The following ERICH6B variants were observed in gnomAD, a reference collection of about 807,000 sequenced individuals.
The protein encoded by ERICH6B is glutamate rich 6B, also known as glutamate-rich protein 6B.
In ERICH6B, 69 loss-of-function variants were observed where a neutral mutation model predicts 80.0. That is an observed-to-expected ratio of 0.86 (90% CI 0.71 to 1.05). The LOEUF is 1.05. Among genes scored for constraint, ERICH6B ranks in the 50% least tolerant of loss-of-function variants. ERICH6B has a pLI of 0.00. For synonymous variants in ERICH6B, 283 were observed against 291.9 expected (o/e 0.97, Z 0.31); for missense variants, 754 against 796.1 (o/e 0.95, Z 0.64).
intron 5 of ERICH6B, 32 bp from the exon 6 acceptor site, chr13:45,580,697 T>C (rs764690120): frequency 1.3e-6 from 2 of 1,548,846 alleles, no homozygotes; most frequent in Middle Eastern, 1.7e-4. Flanking sequence ...TGGCTATTAA[T>C]GATTTAAACC....
chr13:45,575,126 G>A (rs1334167256), intron 7 of ERICH6B, among the ~76,000 whole-genome samples, 196 bp from the exon 8 acceptor site: 1 of 152,176 alleles, frequency 6.6e-6, no homozygotes, highest in Non-Finnish European at 1.5e-5. Flanking sequence ...AACAAAATAG[G>A]AATAAGAGGG....
intron 7 of ERICH6B, 60 bp from the exon 8 acceptor site, chr13:45,574,990 A>G: frequency 9.1e-7 from 1 of 1,097,636 alleles, no homozygotes; most frequent in South Asian, 1.4e-5. Context: ...CCAAAAACAT[A>G]AAAAATTTAA....
chr13:45,549,277 C>T (rs188247822), intron 13 of ERICH6B, among the ~76,000 whole-genome samples: 7 of 149,548 alleles, frequency 4.7e-5, no homozygotes, highest in Admixed American at 2.7e-4. Context: ...GAGCAGACTC[C>T]GTCACAAAAA....
chr13:45,587,347 G>T, intron 4 of ERICH6B, 115 bp from the exon 5 acceptor site: 1 of 845,486 alleles, frequency 1.2e-6, no homozygotes, highest in Non-Finnish European at 1.8e-6. Context: ...CCAGATGATG[G>T]ACATCTCAAG....
chr13:45,566,371 A>G (rs1874913387), intron 9 of ERICH6B, among the ~76,000 whole-genome samples: 1 of 152,250 alleles, frequency 6.6e-6, no homozygotes, highest in South Asian at 2.1e-4. Context: ...GACAATGGGG[A>G]GAATGTCTCC....
At chr13:45,571,044 C>T (rs1875143486) in intron 8 of ERICH6B, among the ~76,000 whole-genome samples, 1 of 152,170 alleles carries the variant, frequency 6.6e-6, no homozygotes, top group Non-Finnish European at 1.5e-5. Context: ...CTGCTGCCTA[C>T]CATGTTGCTT....
At chr13:45,594,414 C>T (rs189422278) in intron 3 of ERICH6B, among the ~76,000 whole-genome samples, 112 of 152,284 alleles carry the variant, frequency 7.4e-4, no homozygotes, top group African/African-American at 2.6e-3. Flanking sequence ...AGATCCAGCA[C>T]ATAGAGGGGA....
chr13:45,610,192 C>T (rs1338631113), intron 1 of ERICH6B, among the ~76,000 whole-genome samples: 1 of 152,116 alleles, frequency 6.6e-6, no homozygotes, highest in African/African-American at 2.4e-5. Flanking sequence ...TAAGATTGGC[C>T]TTTTGAGATG....
At chr13:45,573,998 G>A (rs1453362139) in intron 8 of ERICH6B, among the ~76,000 whole-genome samples, 1 of 152,108 alleles carries the variant, frequency 6.6e-6, no homozygotes, top group African/African-American at 2.4e-5. Context: ...GTGCTGTAGA[G>A]AGGCAAGTAT....
At position 45,561,379 on chromosome 13, in the gene ERICH6B, T is replaced by C. The variant is rs2137975667; in HGVS notation, c.1397A>G (p.Lys466Arg). 1.9e-6 allele frequency: 3 copies of C among 1,552,276 alleles called. No homozygotes were observed. In the African/African-American group the frequency reaches 4.1e-5, roughly 21 times the overall value. ...KLERDKEWIQ[K>R]KTVVHQGDGK... is the part of the protein sequence containing the mutation. Reference sequence around the variant, plus strand: ...TACTGTCCCTCTTACCACTGTCTTCTTCTGTATCCATTCCTTATCTCGTTC... The same window carrying C: ...TACTGTCCCTCTTACCACTGTCTTCCTCTGTATCCATTCCTTATCTCGTTC... The change falls in exon 11 of 15, where the codon AAG (lysine) becomes AGG (arginine). Residue 466 changes from lysine to arginine, a missense_variant. Physicochemically the swap from Lys to Arg is conservative, Grantham distance 26. Coordinates refer to ENST00000298738, the MANE Select transcript of ERICH6B (RefSeq NM_182542.3).
chr13:45,605,999 T>C (rs1949857385), intron 2 of ERICH6B, among the ~76,000 whole-genome samples: 1 of 152,244 alleles, frequency 6.6e-6, no homozygotes, highest in African/African-American at 2.4e-5. Flanking sequence ...GTCTGTCTCA[T>C]TCCAAAGTCT....
At chr13:45,588,942 G>C (rs920654399) in intron 4 of ERICH6B, among the ~76,000 whole-genome samples, 1 of 152,138 alleles carries the variant, frequency 6.6e-6, no homozygotes, top group African/African-American at 2.4e-5. Flanking sequence ...TTTAGCGAGG[G>C]GAGGGCCGGG....
chr13:45,587,635 T>C (rs1011758684), intron 4 of ERICH6B, among the ~76,000 whole-genome samples: 3 of 152,158 alleles, frequency 2.0e-5, no homozygotes, highest in African/African-American at 7.2e-5. Context: ...CAGTTTAAAA[T>C]CAAGCAGTGA....
chr13:45,561,018 T>C (rs1315325477), intron 11 of ERICH6B, among the ~76,000 whole-genome samples: 2 of 152,168 alleles, frequency 1.3e-5, no homozygotes, highest in African/African-American at 4.8e-5. Flanking sequence ...CTCGAACTCC[T>C]GGGCTCAAGT....
At chr13:45,606,981 C>T (rs1949870923) in intron 2 of ERICH6B, among the ~76,000 whole-genome samples, 1 of 152,092 alleles carries the variant, frequency 6.6e-6, no homozygotes, top group Non-Finnish European at 1.5e-5. Flanking sequence ...ATCCCTTGTT[C>T]AAAATCCTTG....
At chr13:45,570,601 C>T (rs139110639) in intron 8 of ERICH6B, among the ~76,000 whole-genome samples, 3 of 152,348 alleles carry the variant, frequency 2.0e-5, no homozygotes, top group African/African-American at 7.2e-5. Context: ...AAATGTGCCT[C>T]AGAAGTTTAC....
At chr13:45,547,550 G>A (rs945271077) in intron 13 of ERICH6B, among the ~76,000 whole-genome samples, 1 of 152,198 alleles carries the variant, frequency 6.6e-6, no homozygotes, top group African/African-American at 2.4e-5. Flanking sequence ...AAAGCCACAC[G>A]CAGGGGTGGA....
At chr13:45,585,504 A>G (rs181322725) in intron 5 of ERICH6B, among the ~76,000 whole-genome samples, 2 of 152,280 alleles carry the variant, frequency 1.3e-5, no homozygotes, top group African/African-American at 4.8e-5. Flanking sequence ...AAAAACCTCC[A>G]TGAATTTTTA....
In ERICH6B at chr13:45,544,976, C is replaced by T. The variant is rs1873935671; in HGVS notation, c.1656G>A (p.Leu552=). 3 of 1,550,452 alleles carry T rather than the reference C, an allele frequency of 1.9e-6. No individual in the cohort carries two copies. The highest frequency in any genetic ancestry group is 2.6e-6 in the Non-Finnish European group (3 of 1,146,954). ...YDENSDIWLN[L]SSNLGYYFPK... ...GGAAGTAGTAGCCCAGGTTGGAGCT[C>T]AGGTTCAACCTGGACCAGGAGAAAG... Residue 552 remains leucine, a synonymous_variant, in exon 14 of 15, where the codon CTG becomes CTA. Transcript: ENST00000298738.
Sources: gnomAD v4.1 joint callset for allele counts (sites outside exome capture counted in the v4.1 genomes callset) on GRCh38, gnomAD v4.1.1 for gene constraint, MANE v1.5 for transcripts, NCBI Gene and HGNC (gene_info 2026-07-23, HGNC 2026-07-21) for gene names.